Variants in DOK6 observed in about 807,000 individuals in gnomAD.
DOK6 encodes the protein docking protein 6.
A neutral mutation model predicts 44.0 loss-of-function variants in DOK6; 22 were observed. That is an observed-to-expected ratio of 0.50 (90% CI 0.36 to 0.71). The LOEUF (loss-of-function observed/expected upper bound fraction) is 0.71, where lower values mean the gene tolerates loss of function less well. Among genes scored for constraint, DOK6 ranks in the 30% least tolerant of loss-of-function variants. The pLI, the probability that DOK6 is intolerant of heterozygous loss-of-function variation, is 0.00. For synonymous variants in DOK6, 166 were observed against 145.5 expected, an observed-to-expected ratio of 1.14 and a Z score of -1.01; for missense variants, 340 against 416.4, an observed-to-expected ratio of 0.82 and a Z score of 1.60.
At chr18:69,819,989 G>C (rs1465904135) in intron 7 of DOK6, among the ~76,000 whole-genome samples, 1 of 152,120 alleles carries the variant, frequency 6.6e-6, no homozygotes, top group Non-Finnish European at 1.5e-5. Context: ...TTATGGATTT[G>C]TGTTGGGCCA....
intron 3 of DOK6, among the ~76,000 whole-genome samples, chr18:69,669,307 T>C (rs762278837): frequency 5.3e-5 from 8 of 152,316 alleles, no homozygotes; most frequent in Middle Eastern, 3.4e-3. Flanking sequence ...TCAGTGTCCA[T>C]GTGTACTTCG....
chr18:69,596,726 C>A (rs542170751), intron 2 of DOK6, among the ~76,000 whole-genome samples: 6 of 152,138 alleles, frequency 3.9e-5, no homozygotes, highest in African/African-American at 1.4e-4. Context: ...CCAGTCCAAC[C>A]GTAACAAAAA....
At chr18:69,546,277 CA>C (rs112839837) in intron 1 of DOK6, among the ~76,000 whole-genome samples, 1,459 of 103,794 alleles carry the variant, frequency 0.014, 46 homozygotes, top group Admixed American at 0.056. Context: ...AACTCCGTCT[CA>C]AAAAAAAAAA....
intron 5 of DOK6, among the ~76,000 whole-genome samples, chr18:69,720,738 G>A (rs933165151): frequency 6.6e-6 from 1 of 152,054 alleles, no homozygotes; most frequent in Admixed American, 6.5e-5. Context: ...ATTTCTTTTA[G>A]TAAGTCAGCT....
At chr18:69,756,034 A>T (rs931467438) in intron 6 of DOK6, among the ~76,000 whole-genome samples, 5 of 152,150 alleles carry the variant, frequency 3.3e-5, no homozygotes, top group Non-Finnish European at 4.4e-5. Flanking sequence ...TCCAGTGCAC[A>T]TGTGGGCCCT....
In DOK6 at chr18:69,717,205, A is replaced by C. The variant is rs537231474; in HGVS notation, c.599+18612A>C. 4.4e-4 allele frequency among the ~76,000 whole-genome samples: 67 copies of C among 152,306 alleles called. 1 individual carries two copies. Among genetic ancestry groups the C allele is most frequent in the Non-Finnish European group, 1.5e-4 (10 of 68,032 alleles). ...TTTATTCCATAAACTCCTAAAACCC[A>C]ATGTAGATATATTTCTGGGTTTTAA... On this transcript the variant is annotated intron_variant, in intron 5 of 7. Coordinates refer to ENST00000382713, the MANE Select transcript of DOK6 (RefSeq NM_152721.6).
chr18:69,506,291 A>G (rs908283663), intron 1 of DOK6, among the ~76,000 whole-genome samples: 3 of 152,172 alleles, frequency 2.0e-5, no homozygotes, highest in African/African-American at 7.2e-5. Context: ...TGCACTTTTA[A>G]TGTAAAATTT....
At chr18:69,462,293 A>T (rs1183328991) in intron 1 of DOK6, among the ~76,000 whole-genome samples, 1 of 152,128 alleles carries the variant, frequency 6.6e-6, no homozygotes, top group African/African-American at 2.4e-5. Context: ...GTCAGATGGA[A>T]GCTATTCACT....
chr18:69,558,052 T>A (rs1035273353), intron 1 of DOK6, among the ~76,000 whole-genome samples: 1 of 152,174 alleles, frequency 6.6e-6, no homozygotes, highest in African/African-American at 2.4e-5. Flanking sequence ...ACTCAAAGAA[T>A]GTGTATCTTT....
At chr18:69,678,586 G>A (rs1181869751) in intron 4 of DOK6, among the ~76,000 whole-genome samples, 1 of 152,232 alleles carries the variant, frequency 6.6e-6, no homozygotes. Context: ...CAAAACTGAG[G>A]TTTTTGTTTC....
intron 7 of DOK6, among the ~76,000 whole-genome samples, chr18:69,835,053 T>C (rs1334801633): frequency 1.3e-5 from 2 of 152,276 alleles, no homozygotes; most frequent in South Asian, 2.1e-4. Context: ...AAGAACAGCA[T>C]GGGGGAACCA....
At chr18:69,772,415 G>C (rs375308457) in intron 7 of DOK6, among the ~76,000 whole-genome samples, 1 of 151,956 alleles carries the variant, frequency 6.6e-6, no homozygotes, top group Non-Finnish European at 1.5e-5. Context: ...ACAATCTTGA[G>C]AAAGAACAGA....
intron 7 of DOK6, among the ~76,000 whole-genome samples, chr18:69,824,083 T>C (rs1756792019): frequency 6.6e-6 from 1 of 151,798 alleles, no homozygotes; most frequent in African/African-American, 2.4e-5. Context: ...TTAGGGTACA[T>C]GTGCACAACG....
At chr18:69,748,607 C>A (rs1979066998) in intron 6 of DOK6, among the ~76,000 whole-genome samples, 1 of 152,190 alleles carries the variant, frequency 6.6e-6, no homozygotes, top group Non-Finnish European at 1.5e-5. Context: ...GAACAACCTG[C>A]TCCCGAATGA....
At chr18:69,543,965 A>G (rs1982334028) in intron 1 of DOK6, among the ~76,000 whole-genome samples, 3 of 151,396 alleles carry the variant, frequency 2.0e-5, no homozygotes, top group Non-Finnish European at 4.4e-5. Context: ...GATTTAATAG[A>G]GAAAGGGACA....
At chr18:69,520,680 G>T (rs1981660172) in intron 1 of DOK6, among the ~76,000 whole-genome samples, 1 of 151,868 alleles carries the variant, frequency 6.6e-6, no homozygotes, top group African/African-American at 2.4e-5. Flanking sequence ...AAAAGTTTGT[G>T]CTTGGACTTG....
chr18:69,742,942 C>T (rs771552673), intron 6 of DOK6, among the ~76,000 whole-genome samples: 2 of 152,156 alleles, frequency 1.3e-5, no homozygotes, highest in African/African-American at 2.4e-5. Flanking sequence ...TTATTGGAGT[C>T]GGCCCTCCAT....
chr18:69,677,513 A>G (rs1007821449), intron 3 of DOK6, among the ~76,000 whole-genome samples: 1 of 152,212 alleles, frequency 6.6e-6, no homozygotes, highest in African/African-American at 2.4e-5. Context: ...TAAATAAGGT[A>G]AAGTACTACA....
intron 7 of DOK6, among the ~76,000 whole-genome samples, chr18:69,812,911 C>T (rs1055111271): frequency 3.9e-5 from 6 of 152,132 alleles, no homozygotes. Context: ...CAATTACCTA[C>T]ATCTGGTCTC....
Sources: allele counts gnomAD v4.1 joint callset (sites outside exome capture counted in the v4.1 genomes callset), GRCh38; gene constraint gnomAD v4.1.1; transcripts MANE v1.5; gene names NCBI Gene and HGNC (gene_info 2026-07-23, HGNC 2026-07-21).